Variants in LRRC36 observed in about 807,000 individuals in gnomAD.
LRRC36 encodes the protein leucine rich repeat containing 36.
LRRC36 carries 62 observed loss-of-function variants against 81.1 expected under a neutral mutation model. The ratio of observed to expected loss-of-function variants is 0.76; its 90% CI spans 0.62 to 0.94. LRRC36 has a LOEUF of 0.94. LRRC36 is among the 40% of genes least tolerant of loss of function. The pLI is 0.00. For synonymous variants in LRRC36, 334 were observed against 348.6 expected (o/e 0.96, Z 0.47); for missense variants, 761 against 881.7 (o/e 0.86, Z 1.73).
chr16:67,383,684 G>T (rs535186360), intron 13 of LRRC36, among the ~76,000 whole-genome samples: 1 of 152,238 alleles, frequency 6.6e-6, no homozygotes, highest in South Asian at 2.1e-4. Flanking sequence ...TTTTGCCCTT[G>T]ATTCTTAGGG....
Position 67,365,369 on chromosome 16 carries a change from T to G in LRRC36, c.754+14T>G, listed in dbSNP as rs754639904. On this transcript the variant is annotated intron_variant, in intron 7 of 13. Transcript: ENST00000329956. ...ACCAGGAAGATGGTAAATATTTTGC[T>G]CACTGAGTATTTTTCCCCCACACTA... The G allele has an allele frequency of 2.4e-5, 39 of 1,611,248 alleles. No homozygotes were observed. The highest frequency in any genetic ancestry group is 3.3e-5 in the Non-Finnish European group (39 of 1,177,886).
At chr16:67,378,833 C>T in intron 12 of LRRC36, 121 bp downstream of exon 12, 3 of 1,070,658 alleles carry the variant, frequency 2.8e-6, no homozygotes, top group Non-Finnish European at 2.7e-6. Context: ...ACTTGGTCAT[C>T]AGTTTTCCTG....
In LRRC36 at chr16:67,342,055, T is replaced by C; in HGVS notation, c.169T>C (p.Leu57=). The C allele has an allele frequency of 1.2e-6, 2 of 1,610,180 alleles. No homozygotes were observed. The highest frequency in any genetic ancestry group is 1.7e-6 in the Non-Finnish European group (2 of 1,177,134). ...TTTTAAAAATCTCCGATCCTTAGAT[T>C]TATCAAGGAATTTGATCACTAGCCT... The part of the protein sequence containing the change: ...RNFKNLRSLD[L]SRNLITSLKG... Residue 57 remains leucine (L), a synonymous_variant, in exon 2 of 14, where the codon TTA becomes CTA. Coordinates refer to ENST00000329956, the MANE Select transcript of LRRC36 (RefSeq NM_018296.6).
At chr16:67,355,961 G>A (rs2038887017) in intron 5 of LRRC36, among the ~76,000 whole-genome samples, 1 of 152,332 alleles carries the variant, frequency 6.6e-6, no homozygotes, top group African/African-American at 2.4e-5. Context: ...AAGTGGTAAG[G>A]AGGATGGTAG....
chr16:67,384,656 T>G (rs930126398), intron 13 of LRRC36, among the ~76,000 whole-genome samples: 4 of 152,216 alleles, frequency 2.6e-5, no homozygotes, highest in Non-Finnish European at 5.9e-5. Flanking sequence ...GGGAAATGTA[T>G]TATTGCTTCA....
At chr16:67,351,260 TA>T (rs895921866) in intron 5 of LRRC36, among the ~76,000 whole-genome samples, 2 of 152,284 alleles carry the variant, frequency 1.3e-5, no homozygotes, top group Non-Finnish European at 2.9e-5. Context: ...ACACAAACTC[TA>T]AACATCAATT....
chr16:67,330,118 G>A (rs904657642), intron 1 of LRRC36, among the ~76,000 whole-genome samples: 15 of 151,598 alleles, frequency 9.9e-5, no homozygotes, highest in African/African-American at 3.4e-4. Flanking sequence ...ACATTTTCCC[G>A]TGTTCCCTGT....
intron 5 of LRRC36, among the ~76,000 whole-genome samples, chr16:67,354,930 T>C (rs2038829521): frequency 6.6e-6 from 1 of 152,198 alleles, no homozygotes; most frequent in South Asian, 2.1e-4. Context: ...TCATCCTCTC[T>C]AATCCCTGGC....
chr16:67,353,421 G>A (rs959114836), intron 5 of LRRC36, among the ~76,000 whole-genome samples: 2 of 151,832 alleles, frequency 1.3e-5, no homozygotes, highest in Non-Finnish European at 2.9e-5. Flanking sequence ...GAGTCTCACT[G>A]TGTCATCCAG....
rs757288646 is a variant in LRRC36, at chr16:67,326,912, C to T, written c.50C>T (p.Ala17Val). The change falls in exon 1 of 14, where the codon GCG becomes GTG. Residue 17 changes from alanine (A) to valine (V), a missense_variant. Around this residue, in one of 3 missense-constraint regions of LRRC36, gnomAD observed 263 missense variants for 279.3 expected, o/e 0.94. Transcript: ENST00000329956. ...LDEEGIRRLG[A>V]LTLEQPELVE... ...GAGGAAGGCATTCGCCGCCTGGGGG[C>T]GCTGACGCTGGAGCAGCCGGGTAGG... The T allele has an allele frequency of 6.7e-7, 1 of 1,484,948 alleles. No homozygotes were observed. The allele number at this position is 1,484,948 out of a possible 1,614,324, so 92.0% of individuals were successfully genotyped here.
At position 67,347,517 on chromosome 16, in the gene LRRC36, T is replaced by C; in HGVS notation, c.414T>C (p.Gly138=). The C allele has an allele frequency of 3.7e-6, 6 of 1,613,322 alleles. No homozygotes were observed. The highest frequency in any genetic ancestry group is 5.1e-6 in the Non-Finnish European group (6 of 1,179,372). Reference sequence around the variant, plus strand: ...CAGATGACCGAACTGTACGTGAAGGTGAGAGAAAAGCTGCCAAGCTGCATT... The same window carrying C: ...CAGATGACCGAACTGTACGTGAAGGCGAGAGAAAAGCTGCCAAGCTGCATT... ...EKLDDRTVRE[G]ERKAAKLHFS... The change falls in exon 4 of 14, where the codon GGT becomes GGC. Residue 138 remains glycine, a synonymous_variant. Coordinates refer to ENST00000329956, the MANE Select transcript of LRRC36 (RefSeq NM_018296.6).
intron 1 of LRRC36, among the ~76,000 whole-genome samples, chr16:67,332,996 A>G (rs1260092815): frequency 6.6e-6 from 1 of 151,998 alleles, no homozygotes; most frequent in South Asian, 2.1e-4. Context: ...GGCTCAAGCA[A>G]TCCTCCTGAC....
In LRRC36 at chr16:67,341,031, C is replaced by CAT. The variant is rs1249200692; in HGVS notation, c.71-923_71-922dup. On this transcript the variant is annotated intron_variant, in intron 1 of 13. Transcript: ENST00000329956. ...TGTATTCTATAGAATATGTACTCTACATATTCTATAGAATATGTACTCTAC... is the reference window on the plus strand; with the variant it reads ...TGTATTCTATAGAATATGTACTCTACATATATTCTATAGAATATGTACTCTAC... Among the ~76,000 whole-genome samples, 952 of 114,738 alleles carry CAT rather than the reference C, an allele frequency of 8.3e-3. 265 individuals carry two copies. The highest frequency in any genetic ancestry group is 0.033 in the African/African-American group (906 of 27,506). The allele number at this position is 114,738 out of a possible 152,430, so 75.3% of individuals were successfully genotyped here. A position where few individuals can be genotyped will look rare whatever the true frequency, so the allele number is the denominator to read the frequency against.
At chr16:67,384,359 A>G (rs993214896) in intron 13 of LRRC36, among the ~76,000 whole-genome samples, 4 of 152,156 alleles carry the variant, frequency 2.6e-5, no homozygotes, top group Non-Finnish European at 4.4e-5. Flanking sequence ...GCTTGAATCC[A>G]GGAGGCAGAG....
intron 1 of LRRC36, among the ~76,000 whole-genome samples, chr16:67,328,095 A>G (rs1240103588): frequency 2.0e-5 from 3 of 152,174 alleles, no homozygotes; most frequent in African/African-American, 4.8e-5. Flanking sequence ...ACAGAACAGG[A>G]AGGATATACT....
chr16:67,336,620 T>C (rs1597427413), intron 1 of LRRC36: 2 of 152,094 alleles, frequency 1.3e-5, no homozygotes, highest in Non-Finnish European at 2.9e-5. Flanking sequence ...TGGTTTGGGG[T>C]TTATTTTTAT....
chr16:67,326,868 G>A lies in LRRC36; in HGVS notation c.6G>A (p.Ala2=), dbSNP rs748744380. ...CAGGTGAGCGGCGGGCGGGGATGGC[G>A]GAGCAATGGGAGCTGGACGAGGAAG... M[A]EQWELDEEGI... is the part of the protein sequence containing the mutation. Residue 2 remains alanine, a synonymous_variant, in exon 1 of 14, where the codon GCG becomes GCA. Coordinates refer to ENST00000329956, the MANE Select transcript of LRRC36 (RefSeq NM_018296.6). 7.0e-7 allele frequency: 1 copy of A among 1,438,354 alleles called. No individual in the cohort carries two copies. Among genetic ancestry groups the A allele is most frequent in the South Asian group, 1.5e-5 (1 of 65,936 alleles). 89.1% of individuals were successfully genotyped at this position (1,438,354 alleles called of 1,614,324 possible).
At position 67,326,817 on chromosome 16, in the gene LRRC36, GCGC is replaced by G; in HGVS notation, c.-43_-41del. 4 of 1,394,568 alleles carry G rather than the reference GCGC, an allele frequency of 2.9e-6. No homozygotes were observed. Among genetic ancestry groups the G allele is most frequent in the Non-Finnish European group, 3.7e-6 (4 of 1,083,242 alleles). The allele number at this position is 1,394,568 out of a possible 1,614,324, so 86.4% of individuals were successfully genotyped here. On this transcript the variant is annotated 5_prime_UTR_variant, in exon 1 of 14. Coordinates refer to ENST00000329956, the MANE Select transcript of LRRC36 (RefSeq NM_018296.6). ...CGGGGCAGTGGGCGGGGCCTGGCGT[GCGC>G]CGGGTGGTCTCGCGGGCGGTGGCAG...
intron 12 of LRRC36, among the ~76,000 whole-genome samples, chr16:67,380,019 A>G (rs886622778): frequency 1.3e-5 from 2 of 152,150 alleles, no homozygotes; most frequent in Non-Finnish European, 2.9e-5. Flanking sequence ...ATGATTTTAA[A>G]TTATTTCTAA....
Sources: allele counts gnomAD v4.1 joint callset (sites outside exome capture counted in the v4.1 genomes callset), GRCh38; gene constraint gnomAD v4.1.1; regional missense constraint gnomAD v4.1.1; transcripts MANE v1.5; gene names NCBI Gene and HGNC (gene_info 2026-07-23, HGNC 2026-07-21).